ATR: variants seen among roughly 807,000 people sequenced by gnomAD.
The protein encoded by ATR is serine/threonine-protein kinase ATR.
In ATR, 142 loss-of-function variants were observed where a neutral mutation model predicts 305.3. That is an observed-to-expected ratio of 0.47 (90% CI 0.41 to 0.53). The LOEUF is 0.53. Ranked by LOEUF, ATR falls within the 20% of genes least tolerant of loss-of-function variation. The pLI, the probability that ATR is intolerant of heterozygous loss-of-function variation, is 0.00. For missense variants in ATR, 2,135 were observed against 3,133.1 expected (o/e 0.68, Z 7.60); for synonymous variants, 1,050 against 1,068.1 (o/e 0.98, Z 0.33).
intron 20 of ATR, among the ~76,000 whole-genome samples, chr3:142,535,538 T>G (rs2033825812): frequency 6.6e-6 from 1 of 152,120 alleles, no homozygotes; most frequent in Admixed American, 6.5e-5. Context: ...GGTCTATGGA[T>G]TATATAGGTA....
intron 27 of ATR, 124 bp from the exon 28 acceptor site, chr3:142,508,233 A>G (rs1415417264): frequency 2.5e-6 from 2 of 792,632 alleles, no homozygotes; most frequent in Non-Finnish European, 3.9e-6. Context: ...AGGATATCAT[A>G]TTTAGAATGT....
chr3:142,508,188 A>G, intron 27 of ATR, 79 bp from the exon 28 acceptor site: 1 of 1,224,082 alleles, frequency 8.2e-7, no homozygotes, highest in East Asian at 2.6e-5. Context: ...TTTAAGTTCA[A>G]TTTATTTCAC....
chr3:142,540,764 C>A, intron 18 of ATR, 140 bp downstream of exon 18: 1 of 1,101,342 alleles, frequency 9.1e-7, no homozygotes, highest in Non-Finnish European at 1.3e-6. Context: ...TAAATATGTT[C>A]TATTTTAAAT....
In ATR at chr3:142,449,496, A is replaced by G; in HGVS notation, c.7868T>C (p.Leu2623Pro). Residue 2623 changes from leucine to proline, a missense_variant, in exon 47 of 47, where the codon CTT (leucine) becomes CCT (proline). Physicochemically the swap from Leu to Pro is moderately conservative, Grantham distance 98. Transcript: ENST00000350721. ...PLSIEGHVHY[L>P]IQEATDENLL... is the part of the protein sequence containing the mutation. ...GTTTTCATCAGTAGCTTCCTGTATA[A>G]GGTAATGCACATGTCCTTCAATAGA... 6.2e-7 allele frequency: 1 copy of G among 1,613,564 alleles called. No homozygotes were observed. Among genetic ancestry groups the G allele is most frequent in the Non-Finnish European group, 8.5e-7 (1 of 1,179,446 alleles).
chr3:142,519,633 C>T (rs1388246651), intron 24 of ATR, 36 bp downstream of exon 24: 3 of 1,537,602 alleles, frequency 2.0e-6, no homozygotes, highest in Non-Finnish European at 2.7e-6. Context: ...TAATTAAAAA[C>T]AATTTTATGA....
At chr3:142,507,808 C>T in intron 28 of ATR, 123 bp downstream of exon 28, 5 of 918,276 alleles carry the variant, frequency 5.4e-6, no homozygotes, top group Non-Finnish European at 6.6e-6. Context: ...ATGTTTATCT[C>T]TCCCCACTAA....
chr3:142,505,143 T>C lies in ATR; in HGVS notation c.5192A>G (p.Asp1731Gly). Reference sequence around the variant, plus strand: ...GCCTTTCAATTATTATCTTACCTGGTCTGGTTCTAGCTGAATAGCCCTGTC... The same window carrying C: ...GCCTTTCAATTATTATCTTACCTGGCCTGGTTCTAGCTGAATAGCCCTGTC... ...CYDRAIQLEP[D>G]QIIHYHGVVK... The change falls in exon 29 of 47, where the codon GAC (aspartate) becomes GGC (glycine). Residue 1731 changes from aspartate (D) to glycine (G), a missense_variant. Coordinates refer to ENST00000350721, the MANE Select transcript of ATR (RefSeq NM_001184.4). 6.2e-7 allele frequency: 1 copy of C among 1,614,140 alleles called. No individual in the cohort carries two copies. Among genetic ancestry groups the C allele is most frequent in the African/African-American group, 1.3e-5 (1 of 75,058 alleles).
intron 30 of ATR, among the ~76,000 whole-genome samples, chr3:142,502,008 G>C (rs1427664453): frequency 6.6e-6 from 1 of 152,252 alleles, no homozygotes; most frequent in East Asian, 1.9e-4. Flanking sequence ...TGGCCTCCCA[G>C]AGTGCTGCAA....
At chr3:142,491,522 C>A (rs1166711561) in intron 35 of ATR, among the ~76,000 whole-genome samples, 1 of 152,140 alleles carries the variant, frequency 6.6e-6, no homozygotes, top group Non-Finnish European at 1.5e-5. Context: ...TTTTTGTGTG[C>A]CTCATAAGTT....
intron 36 of ATR, among the ~76,000 whole-genome samples, chr3:142,475,688 G>A (rs539877913): frequency 1.3e-5 from 2 of 152,296 alleles, no homozygotes; most frequent in Admixed American, 6.5e-5. Flanking sequence ...CTTCCACAAT[G>A]GTTGAACTAG....
At chr3:142,475,727 G>T (rs925572900) in intron 36 of ATR, among the ~76,000 whole-genome samples, 6 of 152,204 alleles carry the variant, frequency 3.9e-5, no homozygotes, top group African/African-American at 1.4e-4. Flanking sequence ...GTGTAAACGT[G>T]TTCCTATTTC....
chr3:142,551,534 T>C (rs2034468739), intron 13 of ATR, among the ~76,000 whole-genome samples: 1 of 152,128 alleles, frequency 6.6e-6, no homozygotes, highest in Admixed American at 6.5e-5. Flanking sequence ...CCTACAACCA[T>C]CCGATCTTTA....
At chr3:142,464,539 AT>A (rs1464401835) in intron 41 of ATR, among the ~76,000 whole-genome samples, 2 of 152,264 alleles carry the variant, frequency 1.3e-5, no homozygotes, top group Non-Finnish European at 2.9e-5. Context: ...ATAGACTATT[AT>A]TCAGCTTAAA....
At chr3:142,510,420 C>T (rs1292228421) in intron 27 of ATR, among the ~76,000 whole-genome samples, 4 of 151,872 alleles carry the variant, frequency 2.6e-5, no homozygotes, top group African/African-American at 9.7e-5. Flanking sequence ...GATCACACCA[C>T]TGCAACTCCA....
At chr3:142,499,183 G>T (rs1460395804) in intron 31 of ATR, 2 of 373,352 alleles carry the variant, frequency 5.4e-6, no homozygotes, top group Admixed American at 7.4e-5. Context: ...GCCCAGCCTG[G>T]TTTCATTCTA....
chr3:142,472,878 G>A lies in ATR; in HGVS notation c.6222-2695C>T, dbSNP rs746419715. On this transcript the variant is annotated intron_variant, in intron 36 of 46. Coordinates refer to ENST00000350721, the MANE Select transcript of ATR (RefSeq NM_001184.4). ...TGGTCTTGAACTCCTGGGCTCAAAC[G>A]ATCCATCTGCCTGAGCCTCTCAAAG... Among the ~76,000 whole-genome samples, 29 of 152,212 alleles carry A rather than the reference G, an allele frequency of 1.9e-4. 1 individual carries two copies. Among genetic ancestry groups the A allele is most frequent in the Admixed American group, 1.3e-3 (20 of 15,290 alleles).
At chr3:142,549,009 A>G (rs148295714) in intron 15 of ATR, among the ~76,000 whole-genome samples, 105 of 152,254 alleles carry the variant, frequency 6.9e-4, no homozygotes, top group African/African-American at 2.4e-3. Flanking sequence ...TTCCTCAGAG[A>G]TATTTTGTTA....
intron 39 of ATR, among the ~76,000 whole-genome samples, chr3:142,467,149 C>T (rs1354495296): frequency 6.6e-6 from 1 of 152,106 alleles, no homozygotes; most frequent in East Asian, 1.9e-4. Context: ...TCTATAAACA[C>T]TGATGCACTC....
intron 21 of ATR, among the ~76,000 whole-genome samples, chr3:142,529,024 C>G (rs1255099749): frequency 2.0e-5 from 3 of 149,940 alleles, no homozygotes; most frequent in Non-Finnish European, 3.0e-5. Context: ...GCTGGGATTA[C>G]AGGTGCGCCA....
Sources: gnomAD v4.1 joint callset for allele counts (sites outside exome capture counted in the v4.1 genomes callset) on GRCh38, gnomAD v4.1.1 for gene constraint, MANE v1.5 for transcripts, NCBI Gene and HGNC (gene_info 2026-07-23, HGNC 2026-07-21) for gene names.